The following KCNJ5 variants were observed in gnomAD, a reference collection of about 807,000 sequenced individuals.
The protein encoded by KCNJ5 is G protein-activated inward rectifier potassium channel 4.
KCNJ5 carries 12 observed loss-of-function variants against 20.2 expected under a neutral mutation model. The ratio of observed to expected loss-of-function variants is 0.59; its 90% CI spans 0.38 to 0.96. KCNJ5 has a LOEUF of 0.96. Among genes scored for constraint, KCNJ5 ranks in the 40% least tolerant of loss-of-function variants. The pLI, the probability that KCNJ5 is intolerant of heterozygous loss-of-function variation, is 0.00. For synonymous variants in KCNJ5, 210 were observed against 213.9 expected (o/e 0.98, Z 0.16); for missense variants, 449 against 557.6 (o/e 0.81, Z 1.96).
At chr11:128,899,457 T>C (rs1304146729) in intron 1 of KCNJ5, 1 of 152,238 alleles carries the variant, frequency 6.6e-6, no homozygotes. Context: ...ATTATCTTGC[T>C]TTCAGGCTGT....
chr11:128,913,731 G>A (rs1002695556), intron 2 of KCNJ5, among the ~76,000 whole-genome samples: 2 of 152,036 alleles, frequency 1.3e-5, no homozygotes, highest in Non-Finnish European at 2.9e-5. Flanking sequence ...TTTTACAGAT[G>A]TCGAGGCTGA....
chr11:128,903,338 G>T, intron 1 of KCNJ5: 1 of 1,613,234 alleles, frequency 6.2e-7, no homozygotes, highest in South Asian at 1.1e-5. Flanking sequence ...GTCTGTGTTG[G>T]AAGAACGCGA....
chr11:128,911,410 G>A lies in KCNJ5; in HGVS notation c.137G>A (p.Gly46Asp). 1 of 1,614,230 alleles carries A rather than the reference G, an allele frequency of 6.2e-7. No homozygotes were observed. Among genetic ancestry groups the A allele is most frequent in the Non-Finnish European group, 8.5e-7 (1 of 1,180,046 alleles). The stretch of plus-strand genomic sequence containing the variant: ...GACCGTACGCGCCTGCTGGCCGAGG[G>A]CAAGAAGCCACGCCAGCGCTACATG... ...ATDRTRLLAEGKKPRQRYMEK... is the reference protein window; with the variant it reads ...ATDRTRLLAEDKKPRQRYMEK... Residue 46 changes from glycine to aspartate, a missense_variant, in exon 2 of 3, where the codon GGC becomes GAC. Around this residue, in one of 5 missense-constraint regions of KCNJ5, gnomAD observed 203 missense variants for 258.0 expected, o/e 0.79. Transcript: ENST00000529694. This position sits in a 1 kb window ranked among gnomAD's most constrained non-coding sequence, Gnocchi z 6.3.
intron 2 of KCNJ5, among the ~76,000 whole-genome samples, chr11:128,915,784 T>C (rs1402148961): frequency 6.6e-6 from 1 of 150,802 alleles, no homozygotes; most frequent in Non-Finnish European, 1.5e-5. Context: ...CATGAATGTA[T>C]GGATAATTGG....
intron 1 of KCNJ5, among the ~76,000 whole-genome samples, chr11:128,909,521 C>G (rs1030068092): frequency 1.3e-5 from 2 of 152,204 alleles, no homozygotes; most frequent in Admixed American, 6.5e-5. Flanking sequence ...GGCAAGGGCT[C>G]TGGGTTATGG....
In KCNJ5 at chr11:128,916,948, G is replaced by A; in HGVS notation, c.*217G>A. The A allele has an allele frequency of 1.8e-6, 1 of 546,822 alleles. No individual in the cohort carries two copies. The highest frequency in any genetic ancestry group is 3.3e-5 in the Admixed American group (1 of 30,070). The allele number at this position is 546,822 out of a possible 1,614,324, so 33.9% of individuals were successfully genotyped here. ...TGCCTGGGCCCCCCATGGCAGTGCTGCCTCTTGTAGGTGCTGGCTAAGGGC... is the reference window on the plus strand; with the variant it reads ...TGCCTGGGCCCCCCATGGCAGTGCTACCTCTTGTAGGTGCTGGCTAAGGGC... On this transcript the variant is annotated 3_prime_UTR_variant, in exon 3 of 3. Coordinates refer to ENST00000529694, the MANE Select transcript of KCNJ5 (RefSeq NM_000890.5).
chr11:128,901,063 T>C (rs1944267489), intron 1 of KCNJ5: 1 of 152,144 alleles, frequency 6.6e-6, no homozygotes, highest in Admixed American at 6.5e-5. Flanking sequence ...AGACCCAGGG[T>C]GGTAACCTGT....
At chr11:128,902,951 G>GA (rs954917198) in intron 1 of KCNJ5, among the ~76,000 whole-genome samples, 1 of 151,884 alleles carries the variant, frequency 6.6e-6, no homozygotes, top group Non-Finnish European at 1.5e-5. Context: ...GGTCAACATG[G>GA]AAAAAAAATT....
Position 128,906,486 on chromosome 11 carries a change from G to A in KCNJ5, c.-10-4778G>A, listed in dbSNP as rs1251047892. 7.9e-5 allele frequency among the ~76,000 whole-genome samples: 12 copies of A among 152,212 alleles called. No individual in the cohort carries two copies. In the East Asian group the frequency reaches 2.3e-3, roughly 29 times the overall value. On this transcript the variant is annotated intron_variant, in intron 1 of 2. Coordinates refer to ENST00000529694, the MANE Select transcript of KCNJ5 (RefSeq NM_000890.5). The stretch of plus-strand genomic sequence containing the variant: ...CTGTTCCCACAAGGCCAAAACCAGG[G>A]TGTCAGCGAGGCCAGCATTCTCATG...
chr11:128,892,651 G>C (rs1030828468), intron 1 of KCNJ5, among the ~76,000 whole-genome samples: 2 of 152,178 alleles, frequency 1.3e-5, no homozygotes, highest in Non-Finnish European at 1.5e-5. Context: ...CAGAGAGGCT[G>C]TGCAATTTGC....
In KCNJ5 at chr11:128,918,344, A is replaced by C. The variant is rs893836736; in HGVS notation, c.*1613A>C. 3.3e-5 allele frequency: 5 copies of C among 152,186 alleles called. No individual in the cohort carries two copies. The highest frequency in any genetic ancestry group is 7.3e-5 in the Non-Finnish European group (5 of 68,040). The allele number at this position is 152,186 out of a possible 1,614,324, so 9.4% of individuals were successfully genotyped here. A position where few individuals can be genotyped will look rare whatever the true frequency, so the allele number is the denominator to read the frequency against. Reference sequence around the variant, plus strand: ...GGGCAGGGTGAGTGTTAAGAAAAAAAGAGTAGAGAAGAGCCTGAAAATCAG... The same window carrying C: ...GGGCAGGGTGAGTGTTAAGAAAAAACGAGTAGAGAAGAGCCTGAAAATCAG... On this transcript the variant is annotated 3_prime_UTR_variant, in exon 3 of 3. Coordinates refer to ENST00000529694, the MANE Select transcript of KCNJ5 (RefSeq NM_000890.5).
At chr11:128,907,789 A>C (rs1197240778) in intron 1 of KCNJ5, among the ~76,000 whole-genome samples, 2 of 152,220 alleles carry the variant, frequency 1.3e-5, no homozygotes, top group Non-Finnish European at 2.9e-5. Flanking sequence ...CAAAAACCCT[A>C]GCTTCAAAGA....
chr11:128,896,904 G>A (rs1303940020), intron 1 of KCNJ5, among the ~76,000 whole-genome samples: 1 of 151,248 alleles, frequency 6.6e-6, no homozygotes, highest in Non-Finnish European at 1.5e-5. Flanking sequence ...ATTTTTTTTC[G>A]AAGAACTGTC....
At chr11:128,913,194 T>C (rs950018071) in intron 2 of KCNJ5, among the ~76,000 whole-genome samples, 1 of 152,236 alleles carries the variant, frequency 6.6e-6, no homozygotes, top group African/African-American at 2.4e-5. Flanking sequence ...CTTTTGTGGC[T>C]GGGCTCCCTC....
In KCNJ5 at chr11:128,911,674, G is replaced by C; in HGVS notation, c.401G>C (p.Ser134Thr). 1 of 1,614,224 alleles carries C rather than the reference G, an allele frequency of 6.2e-7. No homozygotes were observed. Among genetic ancestry groups the C allele is most frequent in the Non-Finnish European group, 8.5e-7 (1 of 1,180,040 alleles). ...TGGATTCCTTGTGTTGAAAACCTCA[G>C]TGGCTTCGTGTCCGCTTTCCTGTTC... is the stretch of plus-strand genomic sequence containing the variant. ...QEWIPCVENL[S>T]GFVSAFLFSI... Residue 134 changes from serine (S) to threonine (T), a missense_variant, in exon 2 of 3, where the codon AGT becomes ACT. By Grantham distance (58) the Ser-to-Thr change is moderately conservative. Coordinates refer to ENST00000529694, the MANE Select transcript of KCNJ5 (RefSeq NM_000890.5). The surrounding 1 kb of genome is among the most constrained non-coding windows in gnomAD (Gnocchi z 6.3).
chr11:128,895,529 C>A (rs1944163185), intron 1 of KCNJ5, among the ~76,000 whole-genome samples: 1 of 152,216 alleles, frequency 6.6e-6, no homozygotes, highest in East Asian at 1.9e-4. Flanking sequence ...AGGAACCAGC[C>A]CACTGGACAT....
At position 128,891,780 on chromosome 11, in the gene KCNJ5, G is replaced by A. The variant is rs7941582; in HGVS notation, c.-11+59G>A. The A allele has an allele frequency of 0.62, 94,427 of 152,240 alleles. 29,764 individuals are homozygous for A. The highest frequency in any genetic ancestry group is 0.7 in the African/African-American group (29,252 of 41,524). 9.4% of individuals were successfully genotyped at this position (152,240 alleles called of 1,614,324 possible). A position where few individuals can be genotyped will look rare whatever the true frequency, so the allele number is the denominator to read the frequency against. ...CCCAGCTCGCGGGTTCTGGAGGGCA[G>A]GATGACACCCTCAGGTGTCCATCAC... On this transcript the variant is annotated intron_variant, in intron 1 of 2. Transcript: ENST00000529694.
chr11:128,904,080 G>A (rs1048268165), intron 1 of KCNJ5, among the ~76,000 whole-genome samples: 1 of 152,140 alleles, frequency 6.6e-6, no homozygotes, highest in African/African-American at 2.4e-5. Flanking sequence ...AAAATGAGGC[G>A]ACTAAAACGG....
intron 1 of KCNJ5, chr11:128,902,504 T>G (rs1944303927): frequency 1.3e-6 from 2 of 1,555,532 alleles, no homozygotes; most frequent in East Asian, 4.8e-5. Flanking sequence ...ATAGCAGCCG[T>G]CTGCATGGGG....
Sources: allele counts gnomAD v4.1 joint callset (sites outside exome capture counted in the v4.1 genomes callset), GRCh38; gene constraint gnomAD v4.1.1; regional missense constraint gnomAD v4.1.1; non-coding constraint Gnocchi (gnomAD v3.1); transcripts MANE v1.5; gene names NCBI Gene and HGNC (gene_info 2026-07-23, HGNC 2026-07-21).